The following RBPJ variants were observed in gnomAD, a reference collection of about 807,000 sequenced individuals.
The protein encoded by RBPJ is recombination signal binding protein for immunoglobulin kappa J region, also known as recombining binding protein suppressor of hairless.
A neutral mutation model predicts 67.8 loss-of-function variants in RBPJ; 9 were observed. That is an observed-to-expected ratio of 0.13 (90% CI 0.08 to 0.23). RBPJ has a LOEUF of 0.23. RBPJ is among the 10% of genes least tolerant of loss of function. RBPJ has a pLI of 1.00. For missense variants in RBPJ, 305 were observed against 595.6 expected, an observed-to-expected ratio of 0.51 and a Z score of 5.08; for synonymous variants, 198 against 203.3, an observed-to-expected ratio of 0.97 and a Z score of 0.22.
At chr4:26,267,960 A>T (rs1720756915) in intron 1 of RBPJ, among the ~76,000 whole-genome samples, 1 of 152,186 alleles carries the variant, frequency 6.6e-6, no homozygotes, top group South Asian at 2.1e-4. Context: ...AAAAAAAAAG[A>T]TATTCCAACT....
At chr4:26,372,636 C>G (rs1729280269) in intron 1 of RBPJ, among the ~76,000 whole-genome samples, 1 of 152,172 alleles carries the variant, frequency 6.6e-6, no homozygotes, top group South Asian at 2.1e-4. Flanking sequence ...CCCCGACTCA[C>G]TCTCTCAAGG....
At chr4:26,221,621 T>C (rs1171385205) in intron 1 of RBPJ, among the ~76,000 whole-genome samples, 2 of 151,932 alleles carry the variant, frequency 1.3e-5, no homozygotes, top group Non-Finnish European at 2.9e-5. Context: ...ATTTGAAAAG[T>C]GAGAGTAGGA....
intron 2 of RBPJ, among the ~76,000 whole-genome samples, chr4:26,404,645 A>T (rs1195182830): frequency 2.0e-5 from 3 of 152,190 alleles, no homozygotes; most frequent in Non-Finnish European, 2.9e-5. Flanking sequence ...GATTATGAGG[A>T]TTAAATAAAA....
chr4:26,295,335 G>T (rs1340731224), intron 1 of RBPJ, among the ~76,000 whole-genome samples: 1 of 151,978 alleles, frequency 6.6e-6, no homozygotes, highest in African/African-American at 2.4e-5. Context: ...GAGGGAGAAA[G>T]ATGCTTCTTC....
rs770028859 is a variant in RBPJ, at chr4:26,430,913, C to G, written c.1370C>G (p.Pro457Arg). The G allele has an allele frequency of 2.5e-5, 41 of 1,614,048 alleles. No individual in the cohort carries two copies. The highest frequency in any genetic ancestry group is 3.3e-4 in the Middle Eastern group (2 of 6,062). Residue 457 changes from proline to arginine, a missense_variant, in exon 11 of 11, where the codon CCT becomes CGT. By Grantham distance (103) the Pro-to-Arg change is moderately radical (BLOSUM62 -2). Around this residue, in one of 7 missense-constraint regions of RBPJ, gnomAD observed 51 missense variants for 52.8 expected, o/e 0.97. Coordinates refer to ENST00000355476, the MANE Select transcript of RBPJ (RefSeq NM_015874.6). This position sits in a 1 kb window ranked among gnomAD's most constrained non-coding sequence, Gnocchi z 4.1. The stretch of plus-strand genomic sequence containing the variant: ...CGAGCCAATTCAAGCCAGGTGCCCC[C>G]TAACGAATCAAACACAAACAGCGAG... Reference protein sequence around the residue: ...ILRANSSQVPPNESNTNSEGS... With the variant: ...ILRANSSQVPRNESNTNSEGS...
At position 26,192,910 on chromosome 4, in the gene RBPJ, G is replaced by A. The variant is rs111971965; in HGVS notation, c.-167+29296G>A. Reference sequence around the variant, plus strand: ...TGATTACATTAGAGATCCTGAGATCGGGAGAATATCCTGGATTCTACAAGG... The same window carrying A: ...TGATTACATTAGAGATCCTGAGATCAGGAGAATATCCTGGATTCTACAAGG... On this transcript the variant is annotated intron_variant, in intron 1 of 4. Coordinates refer to the RBPJ transcript ENST00000512351. Among the ~76,000 whole-genome samples, 20 of 152,212 alleles carry A rather than the reference G, an allele frequency of 1.3e-4. No individual in the cohort carries two copies. The East Asian group carries it at 2.1e-3, about 16-fold the overall frequency.
intron 1 of RBPJ, among the ~76,000 whole-genome samples, chr4:26,275,326 G>A (rs923604545): frequency 2.0e-5 from 3 of 152,172 alleles, no homozygotes; most frequent in Non-Finnish European, 4.4e-5. Context: ...GCCACTTGCT[G>A]GCAGGGTGAC....
rs368735581 is a variant in RBPJ, at chr4:26,336,484, TAAAAC to T, written c.20+15459_20+15463del. The stretch of plus-strand genomic sequence containing the variant: ...GGCAACATAGGAAGACCCCATCTCT[TAAAAC>T]AAAACAAAACAAAACAAAACAAGTG... On this transcript the variant is annotated intron_variant, in intron 1 of 10. Transcript: ENST00000355476. Among the ~76,000 whole-genome samples, 937 of 151,832 alleles carry T rather than the reference TAAAAC, an allele frequency of 6.2e-3. 7 individuals are homozygous for T. Among genetic ancestry groups the T allele is most frequent in the South Asian group, 0.02 (98 of 4,814 alleles).
At chr4:26,367,785 T>C (rs904601800) in intron 1 of RBPJ, 20 of 152,240 alleles carry the variant, frequency 1.3e-4, no homozygotes, top group African/African-American at 4.8e-4. Flanking sequence ...TTCTGGTGAA[T>C]ATTTTAAAAT....
At chr4:26,216,227 T>G (rs1718719647) in intron 1 of RBPJ, among the ~76,000 whole-genome samples, 1 of 152,222 alleles carries the variant, frequency 6.6e-6, no homozygotes, top group Middle Eastern at 3.4e-3. Context: ...CAGGATATCT[T>G]TAAGTTAATT....
At chr4:26,335,643 G>A (rs972532520) in intron 1 of RBPJ, among the ~76,000 whole-genome samples, 13 of 132,668 alleles carry the variant, frequency 9.8e-5, no homozygotes, top group Non-Finnish European at 1.9e-4. Flanking sequence ...TTTTTGAGCC[G>A]GAGTCTGGCT....
chr4:26,367,695 G>T lies in RBPJ; in HGVS notation c.21-18658G>T, dbSNP rs1424233966. ...AACATTTTAAATTTTATTTTTCTTGGATTAGTTCCTGTGCCTACTGCAGTG... is the reference window on the plus strand; with the variant it reads ...AACATTTTAAATTTTATTTTTCTTGTATTAGTTCCTGTGCCTACTGCAGTG... On this transcript the variant is annotated intron_variant, in intron 1 of 10. Transcript: ENST00000355476. 8.5e-5 allele frequency among the ~76,000 whole-genome samples: 13 copies of T among 152,196 alleles called. No individual in the cohort carries two copies. In the South Asian group the frequency reaches 1.4e-3, roughly 17 times the overall value.
intron 1 of RBPJ, among the ~76,000 whole-genome samples, chr4:26,222,403 G>A (rs532516368): frequency 6.6e-6 from 1 of 150,966 alleles, no homozygotes; most frequent in South Asian, 2.1e-4. Flanking sequence ...GCTGAGGCAG[G>A]AGAATGGCTT....
intron 1 of RBPJ, among the ~76,000 whole-genome samples, chr4:26,177,402 C>T (rs1479865659): frequency 6.6e-6 from 1 of 152,052 alleles, no homozygotes; most frequent in Non-Finnish European, 1.5e-5. Flanking sequence ...ATGGTGAAAC[C>T]CCATCTCTAC....
At chr4:26,151,764 CTGTT>C in the RBPJ span, among the ~76,000 whole-genome samples, 1 of 152,218 alleles carries the variant, frequency 6.6e-6, no homozygotes, top group Non-Finnish European at 1.5e-5. Flanking sequence ...TTACAAATCT[CTGTT>C]TGTTATGGCC....
intron 1 of RBPJ, among the ~76,000 whole-genome samples, chr4:26,261,917 A>C (rs1720552219): frequency 6.6e-6 from 1 of 152,182 alleles, no homozygotes; most frequent in African/African-American, 2.4e-5. Flanking sequence ...TCTTATGACT[A>C]TTTTAAGTTT....
At chr4:26,344,378 G>C (rs1319279887) in intron 1 of RBPJ, among the ~76,000 whole-genome samples, 1 of 151,956 alleles carries the variant, frequency 6.6e-6, no homozygotes, top group Non-Finnish European at 1.5e-5. Context: ...GGGACTACAG[G>C]CGCCTGCCAT....
rs73126674 is a variant in RBPJ, at chr4:26,430,366, T to G, written c.1045-53T>G. Reference sequence around the variant, plus strand: ...TTGAATGAGAATCTAATTTGTGTACTTTAATGAAAAATGAAAAGTTTTCTC... The same window carrying G: ...TTGAATGAGAATCTAATTTGTGTACGTTAATGAAAAATGAAAAGTTTTCTC... On this transcript the variant is annotated intron_variant, in intron 9 of 10. Coordinates refer to ENST00000355476, the MANE Select transcript of RBPJ (RefSeq NM_015874.6). This position sits in a 1 kb window ranked among gnomAD's most constrained non-coding sequence, Gnocchi z 4.1. 1.0e-3 allele frequency: 1,451 copies of G among 1,423,136 alleles called. 10 individuals are homozygous for G. In the African/African-American group the frequency reaches 0.018, roughly 18 times the overall value. 88.2% of individuals were successfully genotyped at this position (1,423,136 alleles called of 1,614,324 possible).
chr4:26,165,195 A>C (rs146083149), intron 1 of RBPJ, among the ~76,000 whole-genome samples: 2 of 152,330 alleles, frequency 1.3e-5, no homozygotes, highest in East Asian at 3.9e-4. Context: ...TATATGATAA[A>C]TAGTACAGAA....
Sources: allele counts gnomAD v4.1 joint callset (sites outside exome capture counted in the v4.1 genomes callset), GRCh38; gene constraint gnomAD v4.1.1; regional missense constraint gnomAD v4.1.1; non-coding constraint Gnocchi (gnomAD v3.1); transcripts MANE v1.5; gene names NCBI Gene and HGNC (gene_info 2026-07-23, HGNC 2026-07-21).